MTUS1: variants seen among roughly 807,000 people sequenced by gnomAD.
MTUS1 encodes microtubule-associated tumor suppressor 1.
A neutral mutation model predicts 120.8 loss-of-function variants in MTUS1; 109 were observed. The observed-to-expected ratio is 0.90, with a 90% CI of 0.77 to 1.06. The LOEUF (loss-of-function observed/expected upper bound fraction) is 1.06. Among genes scored for constraint, MTUS1 ranks in the 50% least tolerant of loss-of-function variants. The pLI is 0.00. For missense variants in MTUS1, 2,210 were observed against 1,486.3 expected (o/e 1.49, Z -8.01); for synonymous variants, 737 against 550.5 (o/e 1.34, Z -4.74).
chr8:17,680,464 C>CA (rs58490523), intron 7 of MTUS1, among the ~76,000 whole-genome samples: 1,263 of 24,268 alleles, frequency 0.052, 170 homozygotes, highest in Non-Finnish European at 0.089. Flanking sequence ...GCCACTGTCG[C>CA]AAAAAAAAAA....
Position 17,656,547 on chromosome 8 carries a change from C to CA in MTUS1, c.2906-483_2906-482insT, listed in dbSNP as rs374883123. ...CATCTCAAAAACAAACAAACAAAAC[C>CA]CCCCCCCACCCCACATTCAAAAAAC... On this transcript the variant is annotated intron_variant, in intron 8 of 14. Transcript: ENST00000693296. 1.2e-4 allele frequency among the ~76,000 whole-genome samples: 11 copies of CA among 91,992 alleles called. No individual in the cohort carries two copies. The East Asian group carries it at 1.5e-3, about 13-fold the overall frequency. 60.4% of individuals were successfully genotyped at this position (91,992 alleles called of 152,430 possible). A position where few individuals can be genotyped will look rare whatever the true frequency, so the allele number is the denominator to read the frequency against.
intron 1 of MTUS1, among the ~76,000 whole-genome samples, chr8:17,763,134 G>C (rs1311472231): frequency 1.3e-5 from 2 of 152,024 alleles, no homozygotes; most frequent in African/African-American, 4.8e-5. Context: ...GGGATTACAG[G>C]TGCCCACCAC....
rs538999043 is a variant in MTUS1 at position 17,728,345 on chromosome 8, G to C, written c.2288-4512C>G. ...GTCTCAAACTCCTGACCTTAAGTGA[G>C]CCACTTGCCGTGGCCTCCCAAAGTG... On this transcript the variant is annotated intron_variant, in intron 3 of 14. Coordinates refer to ENST00000693296, the MANE Select transcript of MTUS1 (RefSeq NM_001363059.2). Among the ~76,000 whole-genome samples, 54 of 152,258 alleles carry C rather than the reference G, an allele frequency of 3.5e-4. No homozygotes were observed. In the South Asian group the frequency reaches 4.1e-3, roughly 12 times the overall value.
At chr8:17,792,064 C>A (rs2051833650) in intron 1 of MTUS1, among the ~76,000 whole-genome samples, 1 of 152,138 alleles carries the variant, frequency 6.6e-6, no homozygotes, top group Non-Finnish European at 1.5e-5. Flanking sequence ...CCTGTTAAGT[C>A]TGTGCACTCT....
intron 1 of MTUS1, among the ~76,000 whole-genome samples, chr8:17,794,528 T>C (rs1000826284): frequency 4.6e-5 from 7 of 152,310 alleles, no homozygotes; most frequent in Middle Eastern, 3.4e-3. Flanking sequence ...GGTCTTGGCA[T>C]GGCTCAGCCC....
chr8:17,765,678 CCACACACACACACACACA>C (rs60406848), intron 1 of MTUS1, among the ~76,000 whole-genome samples: 19 of 130,088 alleles, frequency 1.5e-4, no homozygotes, highest in Admixed American at 3.3e-4. Context: ...AATACAGACA[CCACACACACACACACACA>C]CACACACACA....
In MTUS1 at chr8:17,715,782, T is replaced by C. The variant is rs1286345189; in HGVS notation, c.2569A>G (p.Lys857Glu). Reference protein sequence around the residue: ...LVSRAHVHLMKTPPKGPSRKN... With the variant: ...LVSRAHVHLMETPPKGPSRKN... ...AGGACTGTACCTTTTGGAGGAGTTT[T>C]CATCAAGTGAACATGAGCCCTGGAT... The change falls in exon 5 of 15, where the codon AAA becomes GAA. Residue 857 changes from lysine (K) to glutamate (E), a missense_variant. Physicochemically the swap from Lys to Glu is moderately conservative, Grantham distance 56 (BLOSUM62 1). Transcript: ENST00000693296. The C allele has an allele frequency of 7.4e-6, 12 of 1,612,894 alleles. No homozygotes were observed. Among genetic ancestry groups the C allele is most frequent in the Non-Finnish European group, 1.0e-5 (12 of 1,179,740 alleles).
At chr8:17,680,688 C>A (rs892681757) in intron 7 of MTUS1, among the ~76,000 whole-genome samples, 1 of 152,090 alleles carries the variant, frequency 6.6e-6, no homozygotes, top group African/African-American at 2.4e-5. Flanking sequence ...TGGATCAACT[C>A]TCTCTATAAC....
At chr8:17,748,882 A>C (rs1235068119) in intron 2 of MTUS1, among the ~76,000 whole-genome samples, 1 of 152,200 alleles carries the variant, frequency 6.6e-6, no homozygotes, top group Non-Finnish European at 1.5e-5. Flanking sequence ...CATAGTATGC[A>C]CCCAATAAAT....
intron 6 of MTUS1, among the ~76,000 whole-genome samples, chr8:17,687,049 T>G (rs1180472656): frequency 6.6e-6 from 1 of 152,196 alleles, no homozygotes; most frequent in African/African-American, 2.4e-5. Flanking sequence ...ATCTAAACAT[T>G]ACGCAGGGTT....
chr8:17,754,982 T>C lies in MTUS1; in HGVS notation c.826A>G (p.Thr276Ala). 6.2e-7 allele frequency: 1 copy of C among 1,614,124 alleles called. No homozygotes were observed. The highest frequency in any genetic ancestry group is 1.1e-5 in the South Asian group (1 of 91,082). The part of the protein sequence containing the change: ...CSSGKVTSEY[T>A]DGSQQRLVGE... ...ACTAGTCTTTGTTGTGATCCATCTG[T>C]GTACTCACTGGTGACCTTTCCTGAA... The change falls in exon 2 of 15, where the codon ACA becomes GCA. Residue 276 changes from threonine (T) to alanine (A), a missense_variant. Coordinates refer to ENST00000693296, the MANE Select transcript of MTUS1 (RefSeq NM_001363059.2).
At chr8:17,679,193 T>TAC (rs1169986227) in intron 7 of MTUS1, among the ~76,000 whole-genome samples, 10 of 60,704 alleles carry the variant, frequency 1.6e-4, no homozygotes, top group Non-Finnish European at 3.3e-4. Flanking sequence ...TAACAAAAAA[T>TAC]ATATATACAC....
Position 17,755,065 on chromosome 8 carries a change from T to A in MTUS1, c.743A>T (p.Asp248Val). The part of the protein sequence containing the change: ...AQDMTYTAFS[D>V]VVMQSEVFVS... ...AAAAACCTCACTTTGCATCACCACA[T>A]CAGAAAATGCTGTGTAAGTCATGTC... The change falls in exon 2 of 15, where the codon GAT (aspartate) becomes GTT (valine). Residue 248 changes from aspartate (D) to valine (V), a missense_variant. Transcript: ENST00000693296. 1 of 1,613,840 alleles carries A rather than the reference T, an allele frequency of 6.2e-7. No individual in the cohort carries two copies.
chr8:17,712,066 A>G (rs1821409381), intron 6 of MTUS1, among the ~76,000 whole-genome samples: 1 of 152,192 alleles, frequency 6.6e-6, no homozygotes, highest in Non-Finnish European at 1.5e-5. Flanking sequence ...TAATAATGAA[A>G]AAGCTTGAAA....
chr8:17,654,700 T>A (rs1172502908), intron 9 of MTUS1, 34 bp from the exon 10 acceptor site: 8 of 1,469,306 alleles, frequency 5.4e-6, no homozygotes, highest in African/African-American at 1.4e-5. Context: ...GGTTTAACAG[T>A]AAAACCAAAT....
chr8:17,674,675 G>C (rs1258809597), intron 8 of MTUS1: 1 of 987,206 alleles, frequency 1.0e-6, no homozygotes, highest in Non-Finnish European at 1.2e-6. Flanking sequence ...CGGGGAGGTG[G>C]TGAACCATCA....
intron 2 of MTUS1, among the ~76,000 whole-genome samples, 180 bp downstream of exon 2, chr8:17,753,537 T>C (rs1180147876): frequency 1.3e-5 from 2 of 152,148 alleles, no homozygotes; most frequent in Admixed American, 6.6e-5. Flanking sequence ...CATATGCAGT[T>C]TTGTTGTATT....
Position 17,754,770 on chromosome 8 carries a change from A to C in MTUS1, c.1038T>G (p.Ile346Met), listed in dbSNP as rs199622749. ...GCACCATTAAAGGGCATTCATCATCAATAAGACAATAGGACACTGTCTCTC... is the reference window on the plus strand; with the variant it reads ...GCACCATTAAAGGGCATTCATCATCCATAAGACAATAGGACACTGTCTCTC... ...NLRETVSYCL[I>M]DDECPLMVPA... The change falls in exon 2 of 15, where the codon ATT (isoleucine) becomes ATG (methionine). Residue 346 changes from isoleucine (I) to methionine (M), a missense_variant. By Grantham distance (10) the Ile-to-Met change is conservative (BLOSUM62 1). Coordinates refer to ENST00000693296, the MANE Select transcript of MTUS1 (RefSeq NM_001363059.2). 6.2e-7 allele frequency: 1 copy of C among 1,614,230 alleles called. No homozygotes were observed. Among genetic ancestry groups the C allele is most frequent in the Non-Finnish European group, 8.5e-7 (1 of 1,180,046 alleles).
intron 3 of MTUS1, 127 bp downstream of exon 3, chr8:17,743,477 C>A: frequency 1.2e-6 from 1 of 846,570 alleles, no homozygotes; most frequent in Non-Finnish European, 1.8e-6. Context: ...TTTCTACCTC[C>A]TGTGCTCAGG....
Sources: gnomAD v4.1 joint callset for allele counts (sites outside exome capture counted in the v4.1 genomes callset) on GRCh38, gnomAD v4.1.1 for gene constraint, MANE v1.5 for transcripts, NCBI Gene and HGNC (gene_info 2026-07-23, HGNC 2026-07-21) for gene names.